ATM: variants seen among roughly 807,000 people sequenced by gnomAD.
ATM encodes the protein serine-protein kinase ATM.
In ATM, 308 loss-of-function variants were observed where a neutral mutation model predicts 387.0. The ratio of observed to expected loss-of-function variants is 0.80; its 90% confidence interval spans 0.73 to 0.87. The LOEUF (loss-of-function observed/expected upper bound fraction) is 0.87, where lower values mean the gene tolerates loss of function less well. ATM is among the 40% of genes least tolerant of loss of function. The probability of loss-of-function intolerance (pLI) is 0.00; values close to 1 mark genes in which losing one functional copy is unlikely to be tolerated. For synonymous variants in ATM, 1,156 were observed against 1,187.3 expected (o/e 0.97, Z 0.54); for missense variants, 3,312 against 3,560.9 (o/e 0.93, Z 1.78).
chr11:108,364,383 A>G (rs1565606029), intron 61 of ATM, among the ~76,000 whole-genome samples: 1 of 152,178 alleles, frequency 6.6e-6, no homozygotes, highest in Non-Finnish European at 1.5e-5. Context: ...CAATATCAGA[A>G]ATTCCTCATG....
intron 11 of ATM, among the ~76,000 whole-genome samples, 193 bp from the exon 12 acceptor site, chr11:108,252,624 G>T (rs1056143044): frequency 1.3e-5 from 2 of 152,138 alleles, no homozygotes; most frequent in African/African-American, 4.8e-5. Context: ...TATTGGAAAT[G>T]ATAATAACAA....
At chr11:108,309,464 A>G (rs1320058681) in intron 38 of ATM, among the ~76,000 whole-genome samples, 2 of 152,208 alleles carry the variant, frequency 1.3e-5, no homozygotes, top group African/African-American at 4.8e-5. Flanking sequence ...TAAGGAAACT[A>G]GGAAACTGAG....
In ATM at chr11:108,287,676, C is replaced by A. The variant is rs730881390; in HGVS notation, c.4070C>A (p.Ser1357Tyr). The A allele has an allele frequency of 6.2e-7, 1 of 1,613,758 alleles. No homozygotes were observed. Residue 1357 changes from serine (S) to tyrosine (Y), a missense_variant, in exon 27 of 63, where the codon TCT (serine) becomes TAT (tyrosine). Coordinates refer to ENST00000675843, the MANE Select transcript of ATM (RefSeq NM_000051.4). Reference protein sequence around the residue: ...LLMTLHEPANSSASQSTDLCD... With the variant: ...LLMTLHEPANYSASQSTDLCD... Reference sequence around the variant, plus strand: ...ATGACGTTACATGAGCCAGCAAATTCTAGTGCCAGTCAGAGCACTGACCTC... The same window carrying A: ...ATGACGTTACATGAGCCAGCAAATTATAGTGCCAGTCAGAGCACTGACCTC...
chr11:108,266,979 A>G (rs2081286622), intron 16 of ATM, among the ~76,000 whole-genome samples, 192 bp from the exon 17 acceptor site: 1 of 152,012 alleles, frequency 6.6e-6, no homozygotes, highest in Non-Finnish European at 1.5e-5. Flanking sequence ...TATTTTAAAT[A>G]GAGACAAGGT....
chr11:108,257,802 G>T (rs1208391192), intron 15 of ATM, among the ~76,000 whole-genome samples, 196 bp downstream of exon 15: 1 of 152,158 alleles, frequency 6.6e-6, no homozygotes, highest in Non-Finnish European at 1.5e-5. Flanking sequence ...TTACTTGAAA[G>T]TGTAGCCTAT....
chr11:108,263,696 G>T (rs1436074907), intron 16 of ATM, among the ~76,000 whole-genome samples: 1 of 148,248 alleles, frequency 6.7e-6, no homozygotes. Context: ...CCAGGAGCTG[G>T]TTTTTTGAAA....
chr11:108,281,175 A>G lies in ATM; in HGVS notation c.3576+7A>G, dbSNP rs761486334. On this transcript the variant is annotated splice_region_variant and intron_variant, in intron 24 of 62. Transcript: ENST00000675843. Reference sequence around the variant, plus strand: ...ACCTCACCTTGTGAAAAAGGTATATATGGATGAGTATTTTATTAGAAGCTT... The same window carrying G: ...ACCTCACCTTGTGAAAAAGGTATATGTGGATGAGTATTTTATTAGAAGCTT... 1 of 1,612,770 alleles carries G rather than the reference A, an allele frequency of 6.2e-7. No individual in the cohort carries two copies. Among genetic ancestry groups the G allele is most frequent in the Non-Finnish European group, 8.5e-7 (1 of 1,178,842 alleles).
intron 26 of ATM, among the ~76,000 whole-genome samples, chr11:108,285,219 C>T (rs1056482133): frequency 7.9e-5 from 12 of 152,200 alleles, no homozygotes; most frequent in African/African-American, 2.9e-4. Flanking sequence ...CTCAGCCTCC[C>T]AAAGTGCTGG....
intron 22 of ATM, among the ~76,000 whole-genome samples, chr11:108,277,327 T>C (rs1382650708): frequency 6.6e-6 from 1 of 152,202 alleles, no homozygotes; most frequent in East Asian, 1.9e-4. Context: ...TCCGCTGAGC[T>C]AGACCACTTG....
chr11:108,284,236 T>C lies in ATM; in HGVS notation c.3756T>C (p.Tyr1252=), dbSNP rs886039637. 3.7e-6 allele frequency: 6 copies of C among 1,608,238 alleles called. No individual in the cohort carries two copies. The highest frequency in any genetic ancestry group is 2.2e-5 in the East Asian group (1 of 44,804). The change falls in exon 26 of 63, where the codon TAT becomes TAC. Residue 1252 remains tyrosine (Y), a synonymous_variant. Transcript: ENST00000675843. ...TNIEDFYRSC[Y]KVLIPHLVIR... ...ATTTTTCTATTTTTAGATCTTGTTATAAGGTTTTGATTCCACATCTGGTGA... is the reference window on the plus strand; with the variant it reads ...ATTTTTCTATTTTTAGATCTTGTTACAAGGTTTTGATTCCACATCTGGTGA...
At chr11:108,331,706 TTCTC>T (rs896485111) in intron 51 of ATM, 149 bp downstream of exon 51, 77 of 1,318,170 alleles carry the variant, frequency 5.8e-5, no homozygotes, top group Admixed American at 4.8e-4. Flanking sequence ...GTTACTCATT[TTCTC>T]TCTCTAATTC....
intron 38 of ATM, among the ~76,000 whole-genome samples, chr11:108,309,323 C>T (rs892687571): frequency 5.3e-5 from 8 of 152,196 alleles, no homozygotes; most frequent in African/African-American, 1.9e-4. Context: ...CTGAACTTAA[C>T]ATTCATCGGA....
intron 58 of ATM, among the ~76,000 whole-genome samples, chr11:108,346,792 G>GT: frequency 6.6e-6 from 1 of 151,970 alleles, no homozygotes; most frequent in Non-Finnish European, 1.5e-5. Flanking sequence ...CAGAAATGCA[G>GT]TTTTTTGGGG....
At chr11:108,259,177 C>G (rs1480769275) in intron 16 of ATM, 102 bp downstream of exon 16, 1 of 990,846 alleles carries the variant, frequency 1.0e-6, no homozygotes, top group African/African-American at 1.6e-5. Context: ...CAACATATAG[C>G]TCTTAACATT....
intron 61 of ATM, among the ~76,000 whole-genome samples, chr11:108,360,277 C>T (rs550359788): frequency 2.0e-5 from 3 of 151,412 alleles, no homozygotes; most frequent in Admixed American, 1.3e-4. Flanking sequence ...AGACCAGTAA[C>T]AGGAGCTGAA....
At chr11:108,271,021 G>A in intron 18 of ATM, 43 bp from the exon 19 acceptor site, 1 of 1,522,774 alleles carries the variant, frequency 6.6e-7, no homozygotes, top group Non-Finnish European at 9.1e-7. Flanking sequence ...TAAAGTAAAT[G>A]ATTTGTGGAT....
intron 16 of ATM, among the ~76,000 whole-genome samples, chr11:108,264,527 A>G (rs570519416): frequency 4.0e-4 from 61 of 152,096 alleles, no homozygotes; most frequent in Admixed American, 9.2e-4. Context: ...CCAATATCAT[A>G]CTGAATGGGC....
chr11:108,230,499 G>A (rs961276186), intron 4 of ATM: 4 of 152,170 alleles, frequency 2.6e-5, no homozygotes, highest in South Asian at 2.1e-4. Flanking sequence ...TGTTTTTAGT[G>A]TGACATCCTT....
At chr11:108,262,898 TA>T (rs1346301736) in intron 16 of ATM, among the ~76,000 whole-genome samples, 1 of 148,568 alleles carries the variant, frequency 6.7e-6, no homozygotes, top group African/African-American at 2.5e-5. Context: ...GGCCATTACA[TA>T]ATGGTAAAGG....
Sources: gnomAD v4.1 joint callset for allele counts (sites outside exome capture counted in the v4.1 genomes callset) on GRCh38, gnomAD v4.1.1 for gene constraint, MANE v1.5 for transcripts, NCBI Gene and HGNC (gene_info 2026-07-23, HGNC 2026-07-21) for gene names.